Variants in SLC9C2 observed in about 807,000 individuals in gnomAD.
SLC9C2 encodes the protein sodium/hydrogen exchanger 11.
In SLC9C2, 75 loss-of-function variants were observed where a neutral mutation model predicts 140.2. The ratio of observed to expected loss-of-function variants is 0.53; its 90% CI spans 0.44 to 0.65. The LOEUF is 0.65. Among genes scored for constraint, SLC9C2 ranks in the 30% least tolerant of loss-of-function variants. The pLI is 0.00. For synonymous variants in SLC9C2, 375 were observed against 420.9 expected (o/e 0.89, Z 1.34); for missense variants, 1,074 against 1,331.8 (o/e 0.81, Z 3.01).
intron 9 of SLC9C2, among the ~76,000 whole-genome samples, chr1:173,559,187 A>G (rs1211715491): frequency 6.6e-6 from 1 of 152,228 alleles, no homozygotes; most frequent in African/African-American, 2.4e-5. Context: ...TTTCTAGTTT[A>G]AAGATTCTTT....
intron 3 of SLC9C2, among the ~76,000 whole-genome samples, chr1:173,599,793 G>C (rs1666674785): frequency 6.6e-6 from 1 of 152,018 alleles, no homozygotes; most frequent in Non-Finnish European, 1.5e-5. Flanking sequence ...TAGTAGAGAT[G>C]GGATTTTGCC....
rs528983665 is a variant in SLC9C2, at chr1:173,557,362, C to G, written c.1193G>C (p.Arg398Pro). The change falls in exon 10 of 28, where the codon CGA (arginine) becomes CCA (proline). Residue 398 changes from arginine to proline, a missense_variant. By Grantham distance (103) the Arg-to-Pro change is moderately radical. Coordinates refer to ENST00000367714, the MANE Select transcript of SLC9C2 (RefSeq NM_178527.4). The part of the protein sequence containing the change: ...WAPDVYNLAE[R>P]KVEVPQMFIL... ...TACCATTTGTGGTACTTCCACTTTT[C>G]GTTCAGCGAGATTATAAACATCAGG... The G allele has an allele frequency of 2.5e-6, 4 of 1,612,272 alleles. No homozygotes were observed. Among genetic ancestry groups the G allele is most frequent in the African/African-American group, 1.3e-5 (1 of 74,854 alleles).
chr1:173,510,690 A>G (rs549802885), intron 23 of SLC9C2, among the ~76,000 whole-genome samples: 1 of 152,300 alleles, frequency 6.6e-6, no homozygotes, highest in Non-Finnish European at 1.5e-5. Context: ...GCTGCACAGT[A>G]TTCCATGGTG....
chr1:173,574,696 G>C (rs1665054062), intron 8 of SLC9C2, among the ~76,000 whole-genome samples: 1 of 149,754 alleles, frequency 6.7e-6, no homozygotes, highest in Non-Finnish European at 1.5e-5. Context: ...ATTTTTAGTA[G>C]AGACAGGGTT....
intron 13 of SLC9C2, among the ~76,000 whole-genome samples, chr1:173,540,100 C>G (rs1403787347): frequency 6.6e-6 from 1 of 152,188 alleles, no homozygotes; most frequent in African/African-American, 2.4e-5. Flanking sequence ...GGCTTCCCCT[C>G]TCACCCTGTT....
Position 173,600,143 on chromosome 1 carries a change from C to T in SLC9C2, c.202G>A (p.Gly68Arg). The change falls in exon 3 of 28, where the codon GGA becomes AGA. Residue 68 changes from glycine to arginine, a missense_variant. By Grantham distance (125) the Gly-to-Arg change is moderately radical. Coordinates refer to ENST00000367714, the MANE Select transcript of SLC9C2 (RefSeq NM_178527.4). Reference protein sequence around the residue: ...TILSLSGFVIGHMAYNSVEVH... With the variant: ...TILSLSGFVIRHMAYNSVEVH... ...TCAACAGAATTGTAGGCCATGTGTC[C>T]TATCACGAATCCTGATAGAGAAAGA... The T allele has an allele frequency of 6.2e-7, 1 of 1,610,240 alleles. No homozygotes were observed. The highest frequency in any genetic ancestry group is 1.1e-5 in the South Asian group (1 of 90,402).
chr1:173,586,743 G>A (rs994756796), intron 5 of SLC9C2, among the ~76,000 whole-genome samples: 2 of 152,182 alleles, frequency 1.3e-5, no homozygotes, highest in African/African-American at 4.8e-5. Flanking sequence ...CATGGCTGAA[G>A]CTTGAAGCCA....
At chr1:173,505,612 G>T (rs779669697) in intron 25 of SLC9C2, among the ~76,000 whole-genome samples, 59 of 152,174 alleles carry the variant, frequency 3.9e-4, no homozygotes, top group Non-Finnish European at 6.0e-4. Context: ...CCAGCATCCA[G>T]TAAGCTACTT....
intron 22 of SLC9C2, 119 bp from the exon 23 acceptor site, chr1:173,517,823 G>T: frequency 1.2e-6 from 1 of 831,288 alleles, no homozygotes; most frequent in Non-Finnish European, 1.7e-6. Flanking sequence ...TCTCCTGTCA[G>T]GTGTGAAAGA....
chr1:173,507,327 G>T (rs1330071411), intron 24 of SLC9C2, among the ~76,000 whole-genome samples: 1 of 145,778 alleles, frequency 6.9e-6, no homozygotes, highest in Non-Finnish European at 1.5e-5. Context: ...ATTTCTATTT[G>T]CACAAGACTC....
Position 173,505,486 on chromosome 1 carries a change from T to C in SLC9C2, c.3226-155A>G, listed in dbSNP as rs112776651. Among the ~76,000 whole-genome samples the C allele has an allele frequency of 6.2e-3, 950 of 152,358 alleles. 13 individuals carry two copies. The highest frequency in any genetic ancestry group is 0.022 in the African/African-American group (906 of 41,576). On this transcript the variant is annotated intron_variant, in intron 25 of 27. Coordinates refer to ENST00000367714, the MANE Select transcript of SLC9C2 (RefSeq NM_178527.4). ...ATTCTAAATTTCAAATCCTCTTTGA[T>C]GTTGAGAAGTCTTAGACCAACAAAT...
At chr1:173,504,900 G>C (rs1659521778) in intron 26 of SLC9C2, among the ~76,000 whole-genome samples, 2 of 152,108 alleles carry the variant, frequency 1.3e-5, no homozygotes, top group South Asian at 4.1e-4. Flanking sequence ...CCCATACCTG[G>C]GCTCCTGTGA....
chr1:173,527,592 T>C (rs529384613), intron 18 of SLC9C2, among the ~76,000 whole-genome samples: 1 of 152,364 alleles, frequency 6.6e-6, no homozygotes, highest in African/African-American at 2.4e-5. Flanking sequence ...ATGCCCACTA[T>C]GTCCCAGGCA....
intron 23 of SLC9C2, 115 bp downstream of exon 23, chr1:173,517,422 C>T (rs1045708140): frequency 1.0e-5 from 10 of 973,672 alleles, no homozygotes; most frequent in Non-Finnish European, 1.5e-5. Context: ...GCTATGTTAC[C>T]TCCCAATAGC....
At chr1:173,526,506 T>C (rs1661209339) in intron 19 of SLC9C2, among the ~76,000 whole-genome samples, 157 bp downstream of exon 19, 1 of 152,218 alleles carries the variant, frequency 6.6e-6, no homozygotes, top group East Asian at 1.9e-4. Flanking sequence ...TACTCATCTT[T>C]GCTTTCCCAT....
chr1:173,582,935 C>T lies in SLC9C2; in HGVS notation c.640+571G>A, dbSNP rs948317208. ...AGAAGTAATTCTGAGCGAGCTGACA[C>T]TATATGTGTCTATTGTGACACTATA... is the stretch of plus-strand genomic sequence containing the variant. On this transcript the variant is annotated intron_variant, in intron 6 of 27. Transcript: ENST00000367714. Among the ~76,000 whole-genome samples the T allele has an allele frequency of 2.6e-5, 4 of 152,360 alleles. No homozygotes were observed. The South Asian group carries it at 8.3e-4, about 32-fold the overall frequency.
chr1:173,521,268 TAAA>T (rs5778771), intron 22 of SLC9C2, 30 bp downstream of exon 22: 38,348 of 961,568 alleles, frequency 0.04, 9 homozygotes, highest in East Asian at 0.08. Flanking sequence ...ACATTTTAAG[TAAA>T]AAAAAAAAAA....
At chr1:173,513,631 G>T (rs1301723385) in intron 23 of SLC9C2, among the ~76,000 whole-genome samples, 1 of 151,938 alleles carries the variant, frequency 6.6e-6, no homozygotes, top group African/African-American at 2.4e-5. Context: ...TTTTTGAAGG[G>T]TTTTTTGTGT....
chr1:173,575,732 A>G (rs1010837705), intron 8 of SLC9C2, among the ~76,000 whole-genome samples: 1 of 151,946 alleles, frequency 6.6e-6, no homozygotes, highest in Non-Finnish European at 1.5e-5. Flanking sequence ...GCCTGCCACC[A>G]CGCCCGGCTA....
Sources: allele counts gnomAD v4.1 joint callset (sites outside exome capture counted in the v4.1 genomes callset), GRCh38; gene constraint gnomAD v4.1.1; transcripts MANE v1.5; gene names NCBI Gene and HGNC (gene_info 2026-07-23, HGNC 2026-07-21).